The following KCNE1 variants were observed in gnomAD, a reference collection of about 807,000 sequenced individuals.
The protein encoded by KCNE1 is potassium voltage-gated channel subfamily E member 1.
In KCNE1, 1 loss-of-function variant was observed where a neutral mutation model predicts 2.9. The observed-to-expected ratio is 0.34, with a 90% CI of 0.12 to 1.62. The LOEUF (loss-of-function observed/expected upper bound fraction) is 1.62. Ranked by LOEUF, KCNE1 falls within the 40% of genes most tolerant of loss-of-function variation. The pLI is 0.36. For missense variants in KCNE1, 45 were observed against 150.5 expected, an observed-to-expected ratio of 0.30 and a Z score of 3.67; for synonymous variants, 23 against 65.4, an observed-to-expected ratio of 0.35 and a Z score of 3.13.
intron 2 of KCNE1, among the ~76,000 whole-genome samples, chr21:34,507,084 C>T (rs41315467): frequency 0.054 from 8,201 of 152,210 alleles, 224 homozygotes; most frequent in Non-Finnish European, 0.061. Context: ...GACTGGTCTT[C>T]GAAGATGATC....
intron 2 of KCNE1, among the ~76,000 whole-genome samples, chr21:34,508,439 T>A (rs1039427499): frequency 6.6e-6 from 1 of 152,156 alleles, no homozygotes; most frequent in Non-Finnish European, 1.5e-5. Context: ...ACCTCCTGGA[T>A]TCAAGCAATT....
At chr21:34,508,341 AT>A (rs1456795676) in intron 2 of KCNE1, among the ~76,000 whole-genome samples, 1 of 150,318 alleles carries the variant, frequency 6.7e-6, no homozygotes, top group East Asian at 2.0e-4. Flanking sequence ...TTTATATTTT[AT>A]TTTATTTATT....
At chr21:34,497,135 A>G (rs1275184798) in intron 2 of KCNE1, among the ~76,000 whole-genome samples, 1 of 152,160 alleles carries the variant, frequency 6.6e-6, no homozygotes, top group African/African-American at 2.4e-5. Flanking sequence ...GTATCTTTTA[A>G]GTGGAGCATT....
intron 2 of KCNE1, among the ~76,000 whole-genome samples, chr21:34,505,419 G>A (rs1452477275): frequency 1.3e-5 from 2 of 151,764 alleles, no homozygotes; most frequent in African/African-American, 4.8e-5. Flanking sequence ...ACAGGCGCGA[G>A]CCACCACGCC....
At chr21:34,496,005 T>C (rs1360425626) in intron 2 of KCNE1, among the ~76,000 whole-genome samples, 1 of 152,202 alleles carries the variant, frequency 6.6e-6, no homozygotes, top group Non-Finnish European at 1.5e-5. Context: ...GACATTTTCA[T>C]GTAGGCATTT....
rs182637988 is a variant in KCNE1, at chr21:34,498,752, A to C, written c.-162+12349T>G. Among the ~76,000 whole-genome samples the C allele has an allele frequency of 3.9e-5, 6 of 152,312 alleles. No individual in the cohort carries two copies. The East Asian group carries it at 1.2e-3, about 29-fold the overall frequency. Reference sequence around the variant, plus strand: ...TTAGCCAGGATGTTGCAGGCAGTGGAATTAGCTGTTGTTTTCTCTTTCCTT... The same window carrying C: ...TTAGCCAGGATGTTGCAGGCAGTGGCATTAGCTGTTGTTTTCTCTTTCCTT... On this transcript the variant is annotated intron_variant, in intron 2 of 3. Transcript: ENST00000399286.
At chr21:34,496,469 T>C (rs937817521) in intron 2 of KCNE1, among the ~76,000 whole-genome samples, 4 of 152,214 alleles carry the variant, frequency 2.6e-5, no homozygotes, top group Non-Finnish European at 1.5e-5. Flanking sequence ...TTGTGTAGTT[T>C]TGAGGGTTCC....
chr21:34,496,918 C>T (rs946174748), intron 2 of KCNE1, among the ~76,000 whole-genome samples: 5 of 151,942 alleles, frequency 3.3e-5, no homozygotes, highest in East Asian at 1.9e-4. Context: ...TATAATGTCC[C>T]CCTTTGTCTT....
chr21:34,499,183 C>A (rs886904722), intron 2 of KCNE1, among the ~76,000 whole-genome samples: 4 of 152,164 alleles, frequency 2.6e-5, no homozygotes, highest in Non-Finnish European at 5.9e-5. Flanking sequence ...TAGGGGAAAG[C>A]AATAGGCCTC....
intron 2 of KCNE1, among the ~76,000 whole-genome samples, chr21:34,508,303 T>C (rs12627274): frequency 0.31 from 47,559 of 151,466 alleles, 7,789 homozygotes; most frequent in East Asian, 0.62. Context: ...GCTGGGATTA[T>C]AGGCGTGAGC....
intron 2 of KCNE1, among the ~76,000 whole-genome samples, chr21:34,503,269 C>T (rs1983275771): frequency 6.6e-6 from 1 of 152,066 alleles, no homozygotes; most frequent in Admixed American, 6.6e-5. Flanking sequence ...TATGTTTATC[C>T]CTTATGATAA....
chr21:34,502,555 A>G (rs1017981755), intron 2 of KCNE1, among the ~76,000 whole-genome samples: 3 of 152,192 alleles, frequency 2.0e-5, no homozygotes, highest in Admixed American at 2.0e-4. Context: ...CATTCCTAAT[A>G]ATTCCCTCTT....
chr21:34,511,508 C>T (rs1371387710), intron 1 of KCNE1, among the ~76,000 whole-genome samples, 193 bp from the exon 2 acceptor site: 2 of 135,366 alleles, frequency 1.5e-5, no homozygotes, highest in African/African-American at 5.4e-5. Context: ...TCCACCATGT[C>T]ATGGCAAGAA....
Position 34,449,032 on chromosome 21 carries a change from C to T in KCNE1, c.*213G>A. 2.7e-6 allele frequency: 1 copy of T among 373,238 alleles called. No individual in the cohort carries two copies. The highest frequency in any genetic ancestry group is 4.9e-6 in the Non-Finnish European group (1 of 204,646). 23.1% of individuals were successfully genotyped at this position (373,238 alleles called of 1,614,324 possible). A position where few individuals can be genotyped will look rare whatever the true frequency, so the allele number is the denominator to read the frequency against. ...AGGGATTCTGCTAAATTTAGCAAGGCAGGGACAGATATGGGGGAACCACTG... is the reference window on the plus strand; with the variant it reads ...AGGGATTCTGCTAAATTTAGCAAGGTAGGGACAGATATGGGGGAACCACTG... On this transcript the variant is annotated 3_prime_UTR_variant, in exon 4 of 4. Transcript: ENST00000399286.
chr21:34,496,736 C>A (rs2123502436), intron 2 of KCNE1, among the ~76,000 whole-genome samples: 1 of 152,246 alleles, frequency 6.6e-6, no homozygotes, highest in African/African-American at 2.4e-5. Flanking sequence ...TCTTGATGAT[C>A]CATCTAGTGC....
At chr21:34,510,013 T>G (rs1003127428) in intron 2 of KCNE1, 7 of 152,304 alleles carry the variant, frequency 4.6e-5, no homozygotes, top group Non-Finnish European at 1.0e-4. Context: ...CAAAATCAAT[T>G]TTTCCTATAA....
At chr21:34,497,250 T>G (rs540082581) in intron 2 of KCNE1, among the ~76,000 whole-genome samples, 6 of 152,194 alleles carry the variant, frequency 3.9e-5, no homozygotes, top group Non-Finnish European at 7.4e-5. Flanking sequence ...TTGTTTGTTT[T>G]TTCTATTTGT....
intron 2 of KCNE1, among the ~76,000 whole-genome samples, chr21:34,508,250 A>G (rs1601106994): frequency 6.7e-6 from 1 of 148,562 alleles, no homozygotes; most frequent in Non-Finnish European, 1.5e-5. Flanking sequence ...CTGGTCTCCA[A>G]CTCCTGGGCT....
rs1983266341 is a variant in KCNE1 at position 34,503,105 on chromosome 21, T to C, written c.-162+7996A>G. On this transcript the variant is annotated intron_variant, in intron 2 of 3. Transcript: ENST00000399286. ...CCCACAGGGTGAGGGCTTAGTCCTA[T>C]AAGACTCTCCCCAACCTTGCACACC... Among the ~76,000 whole-genome samples the C allele has an allele frequency of 2.0e-5, 3 of 152,210 alleles. 1 individual carries two copies. Among genetic ancestry groups the C allele is most frequent in the Admixed American group, 2.0e-4 (3 of 15,284 alleles).
Sources: allele counts gnomAD v4.1 joint callset (sites outside exome capture counted in the v4.1 genomes callset), GRCh38; gene constraint gnomAD v4.1.1; transcripts MANE v1.5; gene names NCBI Gene and HGNC (gene_info 2026-07-23, HGNC 2026-07-21).